POU6F2: variants seen among roughly 807,000 people sequenced by gnomAD.
The protein encoded by POU6F2 is POU domain, class 6, transcription factor 2.
A neutral mutation model predicts 71.3 loss-of-function variants in POU6F2; 31 were observed. That is an observed-to-expected ratio of 0.43 (90% confidence interval 0.33 to 0.59). POU6F2 has a LOEUF of 0.59. Among genes scored for constraint, POU6F2 ranks in the 20% least tolerant of loss-of-function variants. The probability of loss-of-function intolerance (pLI) is 0.04; values close to 1 mark genes in which losing one functional copy is unlikely to be tolerated. For missense variants in POU6F2, 783 were observed against 856.8 expected (o/e 0.91, Z 1.07); for synonymous variants, 347 against 355.7 (o/e 0.98, Z 0.27).
intron 2 of POU6F2, among the ~76,000 whole-genome samples, chr7:39,179,724 T>C (rs952410015): frequency 5.3e-5 from 8 of 152,198 alleles, no homozygotes; most frequent in African/African-American, 1.4e-4. Flanking sequence ...CAGAAAATAT[T>C]AGCAAGAGTG....
At chr7:39,264,185 C>T (rs1324761430) in intron 4 of POU6F2, among the ~76,000 whole-genome samples, 1 of 152,176 alleles carries the variant, frequency 6.6e-6, no homozygotes, top group African/African-American at 2.4e-5. Flanking sequence ...GTGGGCAATT[C>T]ACCCACCTCA....
chr7:39,364,629 A>G (rs1267218132), intron 5 of POU6F2, among the ~76,000 whole-genome samples: 1 of 152,024 alleles, frequency 6.6e-6, no homozygotes. Flanking sequence ...GTATTCCATC[A>G]TATATATATA....
intron 7 of POU6F2, among the ~76,000 whole-genome samples, chr7:39,443,982 T>C (rs768266153): frequency 2.0e-5 from 3 of 152,164 alleles, no homozygotes; most frequent in Non-Finnish European, 2.9e-5. Context: ...TTTCATGAAG[T>C]AAAGTATAGG....
intron 4 of POU6F2, among the ~76,000 whole-genome samples, chr7:39,214,025 A>G (rs749578099): frequency 8.5e-5 from 13 of 152,210 alleles, no homozygotes; most frequent in East Asian, 1.9e-4. Context: ...TGATGTTTCC[A>G]ACAGATAGGG....
intron 4 of POU6F2, 128 bp from the exon 5 acceptor site, chr7:39,339,514 G>C: frequency 7.6e-7 from 1 of 1,318,578 alleles, no homozygotes; most frequent in Non-Finnish European, 1.0e-6. Flanking sequence ...ATACCAAAGA[G>C]CTTCAGGGGG....
At chr7:39,028,642 T>C (rs1584507549) in intron 1 of POU6F2, among the ~76,000 whole-genome samples, 1 of 152,170 alleles carries the variant, frequency 6.6e-6, no homozygotes, top group East Asian at 1.9e-4. Flanking sequence ...AACACCTGTA[T>C]GCTATTAAGC....
chr7:39,281,989 TG>T (rs1258083242), intron 4 of POU6F2, among the ~76,000 whole-genome samples: 8 of 152,110 alleles, frequency 5.3e-5, no homozygotes, highest in African/African-American at 1.9e-4. Flanking sequence ...CTATTCTAAT[TG>T]GGGTGAAGTG....
intron 4 of POU6F2, among the ~76,000 whole-genome samples, chr7:39,277,338 T>G (rs889901779): frequency 1.3e-5 from 2 of 152,158 alleles, no homozygotes; most frequent in South Asian, 4.1e-4. Flanking sequence ...GGGCTTCTAT[T>G]GATCCCAACA....
intron 2 of POU6F2, among the ~76,000 whole-genome samples, chr7:39,182,363 G>T (rs2128741676): frequency 6.6e-6 from 1 of 152,128 alleles, no homozygotes; most frequent in Non-Finnish European, 1.5e-5. Flanking sequence ...AACCTGTTTT[G>T]CCTGTTTAAA....
chr7:39,104,395 G>A (rs1791633986), intron 2 of POU6F2, among the ~76,000 whole-genome samples: 1 of 152,244 alleles, frequency 6.6e-6, no homozygotes, highest in Admixed American at 6.5e-5. Context: ...ATCATTTGAA[G>A]TCTTGTTCTC....
chr7:39,004,030 T>C (rs1205032634), intron 1 of POU6F2, among the ~76,000 whole-genome samples: 2 of 152,166 alleles, frequency 1.3e-5, no homozygotes, highest in South Asian at 2.1e-4. Context: ...CCGTTTAAAA[T>C]GAGATATACA....
At chr7:39,406,398 A>T in intron 5 of POU6F2, 1 of 588,904 alleles carries the variant, frequency 1.7e-6, no homozygotes, top group Non-Finnish European at 2.9e-6. Context: ...AAGCTCCCCA[A>T]CATTTTCCTT....
In POU6F2 at chr7:39,218,418, TG is replaced by T. The variant is rs1403743527; in HGVS notation, c.598+10800del. The stretch of plus-strand genomic sequence containing the variant: ...TATTCTTGGCCCACTGTTTAGAGAA[TG>T]GAGAGCTAATGCTCTCCAAGAAAAC... On this transcript the variant is annotated intron_variant, in intron 4 of 9. Transcript: ENST00000518318. 2.0e-5 allele frequency among the ~76,000 whole-genome samples: 3 copies of T among 152,172 alleles called. No homozygotes were observed. The East Asian group carries it at 5.8e-4, about 29-fold the overall frequency.
At chr7:39,340,752 CATAT>C (rs149719876) in intron 5 of POU6F2, among the ~76,000 whole-genome samples, 2 of 35,798 alleles carry the variant, frequency 5.6e-5, no homozygotes, top group Non-Finnish European at 1.2e-4. Flanking sequence ...TAGGTGCATT[CATAT>C]ATATATATAT....
chr7:38,988,137 A>C (rs1313984896), intron 1 of POU6F2, among the ~76,000 whole-genome samples: 1 of 152,068 alleles, frequency 6.6e-6, no homozygotes, highest in South Asian at 2.1e-4. Flanking sequence ...TGGCTCAGAG[A>C]GGTTATGTGT....
intron 4 of POU6F2, among the ~76,000 whole-genome samples, chr7:39,212,252 G>C (rs2128746886): frequency 6.6e-6 from 1 of 152,302 alleles, no homozygotes; most frequent in South Asian, 2.1e-4. Context: ...TCAGCAGAAG[G>C]GGTGGCAGGT....
chr7:39,449,227 A>G (rs1323663117), intron 7 of POU6F2, among the ~76,000 whole-genome samples: 1 of 152,200 alleles, frequency 6.6e-6, no homozygotes, highest in Non-Finnish European at 1.5e-5. Flanking sequence ...CAGCAGCCAC[A>G]TAGGCTGGTT....
chr7:39,203,995 A>ATACTTCC (rs1793957409), intron 2 of POU6F2, among the ~76,000 whole-genome samples: 1 of 152,150 alleles, frequency 6.6e-6, no homozygotes, highest in African/African-American at 2.4e-5. Context: ...CACATACAAC[A>ATACTTCC]CACTGGCATA....
chr7:39,160,976 A>G (rs1242831232), intron 2 of POU6F2, among the ~76,000 whole-genome samples: 3 of 152,160 alleles, frequency 2.0e-5, no homozygotes, highest in African/African-American at 7.2e-5. Flanking sequence ...AGCCGTTGAT[A>G]TCTTTCATTA....
Sources: allele counts gnomAD v4.1 joint callset (sites outside exome capture counted in the v4.1 genomes callset), GRCh38; gene constraint gnomAD v4.1.1; transcripts MANE v1.5; gene names NCBI Gene and HGNC (gene_info 2026-07-23, HGNC 2026-07-21).